TBC1D5: variants seen among roughly 807,000 people sequenced by gnomAD.
TBC1D5 encodes TBC1 domain family, member 5.
A neutral mutation model predicts 100.3 loss-of-function variants in TBC1D5; 75 were observed. The observed-to-expected ratio is 0.75, with a 90% CI of 0.62 to 0.91. The LOEUF is 0.91. TBC1D5 is among the 40% of genes least tolerant of loss of function. TBC1D5 has a pLI of 0.00. For synonymous variants in TBC1D5, 323 were observed against 325.6 expected (o/e 0.99, Z 0.09); for missense variants, 910 against 942.4 (o/e 0.97, Z 0.45).
chr3:17,681,668 C>A (rs2069492616), intron 1 of TBC1D5, among the ~76,000 whole-genome samples: 1 of 151,492 alleles, frequency 6.6e-6, no homozygotes, highest in Non-Finnish European at 1.5e-5. Context: ...ATTATAAATT[C>A]TAAAGGCATA....
In TBC1D5 at chr3:17,587,283, A is replaced by G. The variant is rs540569553; in HGVS notation, c.-36+36566T>C. Among the ~76,000 whole-genome samples, 4 of 152,158 alleles carry G rather than the reference A, an allele frequency of 2.6e-5. No individual in the cohort carries two copies. The South Asian group carries it at 8.3e-4, about 32-fold the overall frequency. On this transcript the variant is annotated intron_variant, in intron 2 of 21. Coordinates refer to ENST00000253692, the Ensembl canonical transcript of TBC1D5. ...ATAATAAAAAATTACTGAACATATTATCAACTTCCCCTAGATTTCATTCTC... is the reference window on the plus strand; with the variant it reads ...ATAATAAAAAATTACTGAACATATTGTCAACTTCCCCTAGATTTCATTCTC...
At chr3:17,392,611 G>A (rs1164978999) in intron 8 of TBC1D5, among the ~76,000 whole-genome samples, 2 of 152,010 alleles carry the variant, frequency 1.3e-5, no homozygotes, top group Admixed American at 6.6e-5. Context: ...GAGAACATGC[G>A]GTGTTTGGTT....
intron 1 of TBC1D5, among the ~76,000 whole-genome samples, chr3:17,718,269 G>C (rs562172543): frequency 2.0e-5 from 3 of 152,080 alleles, no homozygotes; most frequent in Non-Finnish European, 4.4e-5. Flanking sequence ...TGTTTTTATT[G>C]GTTTGTTATT....
chr3:17,344,707 A>C (rs889890277), intron 13 of TBC1D5, among the ~76,000 whole-genome samples: 3 of 152,174 alleles, frequency 2.0e-5, no homozygotes, highest in Non-Finnish European at 2.9e-5. Flanking sequence ...TGGTACTGGT[A>C]CCAAAACAGA....
intron 3 of TBC1D5, among the ~76,000 whole-genome samples, chr3:17,462,233 TA>T: frequency 6.6e-6 from 1 of 152,138 alleles, no homozygotes; most frequent in Admixed American, 6.5e-5. Context: ...TCTTTCCTAA[TA>T]AATCAGTGGA....
chr3:17,502,424 CT>C (rs1464990617), intron 3 of TBC1D5, among the ~76,000 whole-genome samples: 2 of 149,334 alleles, frequency 1.3e-5, no homozygotes, highest in African/African-American at 2.5e-5. Flanking sequence ...TTTCCTTCTA[CT>C]TCTCCAGCCT....
rs530842426 is a variant in TBC1D5, at chr3:17,407,474, C to T, written c.168-948G>A. ...TTTATTATCAAAGCTGAAACCCTGACGGCAATATCTTAAGAGAGATTTCTG... is the reference window on the plus strand; with the variant it reads ...TTTATTATCAAAGCTGAAACCCTGATGGCAATATCTTAAGAGAGATTTCTG... On this transcript the variant is annotated intron_variant, in intron 4 of 21. Coordinates refer to ENST00000253692, the Ensembl canonical transcript of TBC1D5. Among the ~76,000 whole-genome samples the T allele has an allele frequency of 2.0e-4, 31 of 152,052 alleles. 1 individual carries two copies. The highest frequency in any genetic ancestry group is 1.5e-4 in the Non-Finnish European group (10 of 68,006).
At chr3:17,435,991 C>A (rs115924907) in intron 3 of TBC1D5, among the ~76,000 whole-genome samples, 435 of 152,178 alleles carry the variant, frequency 2.9e-3, no homozygotes, top group African/African-American at 0.01. Flanking sequence ...GAAGAGGTTT[C>A]GAATTTTTAG....
intron 8 of TBC1D5, among the ~76,000 whole-genome samples, chr3:17,401,226 TAC>T (rs200880130): frequency 4.0e-5 from 6 of 148,738 alleles, no homozygotes; most frequent in East Asian, 2.0e-4. Context: ...TGTGTGTACA[TAC>T]ACACACACAC....
At chr3:17,496,185 T>C (rs2095704820) in intron 3 of TBC1D5, among the ~76,000 whole-genome samples, 1 of 152,244 alleles carries the variant, frequency 6.6e-6, no homozygotes, top group East Asian at 1.9e-4. Flanking sequence ...TATTAAATAA[T>C]AGCTTGTACA....
At chr3:17,269,215 C>CA (rs1457481029) in intron 15 of TBC1D5, among the ~76,000 whole-genome samples, 2 of 152,088 alleles carry the variant, frequency 1.3e-5, no homozygotes, top group Non-Finnish European at 2.9e-5. Flanking sequence ...AGATAACATC[C>CA]AGTACCTCAC....
chr3:17,435,154 C>A (rs910448047), intron 3 of TBC1D5, among the ~76,000 whole-genome samples: 1 of 152,132 alleles, frequency 6.6e-6, no homozygotes. Flanking sequence ...ACCTTCTGAG[C>A]CCCCCAAGTC....
At chr3:17,708,453 T>A (rs191380091) in intron 1 of TBC1D5, among the ~76,000 whole-genome samples, 346 of 152,350 alleles carry the variant, frequency 2.3e-3, no homozygotes, top group African/African-American at 8.0e-3. Flanking sequence ...TTTGTTCACT[T>A]GTGTTTCTCT....
chr3:17,403,356 T>C, intron 7 of TBC1D5, 108 bp from the exon 8 acceptor site: 1 of 667,052 alleles, frequency 1.5e-6, no homozygotes, highest in Non-Finnish European at 2.2e-6. Context: ...TCTGAGATCA[T>C]TTCACATTGC....
chr3:17,254,798 TTGATGATA>T (rs2149359733), intron 16 of TBC1D5, among the ~76,000 whole-genome samples: 1 of 146,728 alleles, frequency 6.8e-6, no homozygotes, highest in Non-Finnish European at 1.5e-5. Context: ...CCAATTAGGT[TTGATGATA>T]TACTAGAAGA....
intron 15 of TBC1D5, among the ~76,000 whole-genome samples, chr3:17,264,512 T>C (rs373929082): frequency 1.0e-3 from 158 of 152,348 alleles, no homozygotes; most frequent in African/African-American, 3.6e-3. Flanking sequence ...TTCTAATTTA[T>C]TAAAGTACCA....
chr3:17,690,724 C>G (rs2071027610), intron 1 of TBC1D5, among the ~76,000 whole-genome samples: 1 of 152,096 alleles, frequency 6.6e-6, no homozygotes, highest in Non-Finnish European at 1.5e-5. Context: ...GTTGCGTGCT[C>G]CTTATGAGAA....
At chr3:17,488,952 A>T (rs1450111187) in intron 3 of TBC1D5, among the ~76,000 whole-genome samples, 1 of 150,026 alleles carries the variant, frequency 6.7e-6, no homozygotes, top group Non-Finnish European at 1.5e-5. Context: ...GCTCTGTATG[A>T]AAATCTAATG....
At chr3:17,388,466 A>G (rs2093240114) in intron 8 of TBC1D5, among the ~76,000 whole-genome samples, 2 of 152,082 alleles carry the variant, frequency 1.3e-5, no homozygotes, top group Admixed American at 1.3e-4. Context: ...ATTCCTCTCC[A>G]ATATTGCATT....
Sources: gnomAD v4.1 joint callset for allele counts (sites outside exome capture counted in the v4.1 genomes callset) on GRCh38, gnomAD v4.1.1 for gene constraint, MANE v1.5 for transcripts, NCBI Gene and HGNC (gene_info 2026-07-23, HGNC 2026-07-21) for gene names.